The following CUX1 variants were observed in gnomAD, a reference collection of about 807,000 sequenced individuals.
CUX1 encodes the protein protein CASP.
Under a neutral mutation model 158.8 loss-of-function variants are expected in CUX1, and 31 were observed. That is an observed-to-expected ratio of 0.20 (90% confidence interval 0.15 to 0.26). CUX1 has a LOEUF of 0.26. Among genes scored for constraint, CUX1 ranks in the 10% least tolerant of loss-of-function variants. The probability of loss-of-function intolerance (pLI) is 1.00; values close to 1 mark genes in which losing one functional copy is unlikely to be tolerated. For missense variants in CUX1, 1,589 were observed against 2,014.6 expected (o/e 0.79, Z 4.04); for synonymous variants, 879 against 862.1 (o/e 1.02, Z -0.34).
chr7:102,099,284 G>C (rs1585665145), intron 5 of CUX1, among the ~76,000 whole-genome samples: 1 of 152,120 alleles, frequency 6.6e-6, no homozygotes, highest in South Asian at 2.1e-4. Flanking sequence ...AGGACTAGAA[G>C]GGACAACTCT....
intron 19 of CUX1, chr7:102,280,271 G>A: frequency 1.6e-6 from 1 of 608,098 alleles, no homozygotes; most frequent in Non-Finnish European, 2.9e-6. Flanking sequence ...GGCCAGCCTT[G>A]CCACGCCAGC....
In CUX1 at chr7:102,095,589, C is replaced by T. The variant is rs1554483815; in HGVS notation, c.269-1775C>T. Among the ~76,000 whole-genome samples the T allele has an allele frequency of 2.6e-5, 4 of 152,100 alleles. No homozygotes were observed. The South Asian group carries it at 6.2e-4, about 24-fold the overall frequency. ...AAGAGTCCCTGGCTCCTGCTGGATACGTTAACCGAGGCATGGTAGACCTGG... is the reference window on the plus strand; with the variant it reads ...AAGAGTCCCTGGCTCCTGCTGGATATGTTAACCGAGGCATGGTAGACCTGG... On this transcript the variant is annotated intron_variant, in intron 4 of 23. Transcript: ENST00000292535.
chr7:101,933,773 C>T (rs1484859309), intron 2 of CUX1, among the ~76,000 whole-genome samples: 1 of 152,100 alleles, frequency 6.6e-6, no homozygotes, highest in Non-Finnish European at 1.5e-5. Context: ...TTGGTTTGTT[C>T]GCATACTTGT....
intron 2 of CUX1, among the ~76,000 whole-genome samples, chr7:101,957,897 G>A (rs552375372): frequency 6.6e-6 from 1 of 152,164 alleles, no homozygotes; most frequent in South Asian, 2.1e-4. Flanking sequence ...TGAGAGTTTG[G>A]AAGTCCCACA....
At chr7:101,866,385 C>G (rs1221397559) in intron 1 of CUX1, among the ~76,000 whole-genome samples, 2 of 152,140 alleles carry the variant, frequency 1.3e-5, no homozygotes, top group Non-Finnish European at 2.9e-5. Context: ...GAACTAGAAT[C>G]TCGAACCTGG....
chr7:101,847,286 A>T (rs1377522799), intron 1 of CUX1, among the ~76,000 whole-genome samples: 2 of 152,188 alleles, frequency 1.3e-5, no homozygotes, highest in East Asian at 1.9e-4. Context: ...AGTGTGCTGG[A>T]TTCATGATAT....
chr7:101,878,244 C>T (rs1051196638), intron 1 of CUX1, among the ~76,000 whole-genome samples: 2 of 152,336 alleles, frequency 1.3e-5, no homozygotes, highest in South Asian at 4.1e-4. Flanking sequence ...GGACAGGACC[C>T]TCCCCTCCCC....
chr7:102,278,147 G>A lies in CUX1; in HGVS notation c.1680+82G>A, dbSNP rs562778935. ...TCAGGGCTCTGGAGATGGGAGGGTC[G>A]GGGACCAAGACCTGCTGGGCAGCAC... On this transcript the variant is annotated intron_variant, in intron 18 of 22. Transcript: ENST00000292538. 4.8e-5 allele frequency: 49 copies of A among 1,022,624 alleles called. No individual in the cohort carries two copies. In the African/African-American group the frequency reaches 6.3e-4, roughly 13 times the overall value. 63.3% of individuals were successfully genotyped at this position (1,022,624 alleles called of 1,614,324 possible).
intron 4 of CUX1, among the ~76,000 whole-genome samples, chr7:102,073,030 G>A (rs1289343168): frequency 6.6e-6 from 1 of 152,042 alleles, no homozygotes; most frequent in Non-Finnish European, 1.5e-5. Context: ...GATCCCAGAA[G>A]GGGAGTGTTT....
Position 101,817,960 on chromosome 7 carries a change from G to A in CUX1, c.30+291G>A, listed in dbSNP as rs1210104320. On this transcript the variant is annotated intron_variant, in intron 1 of 23. Transcript: ENST00000292535. This position sits in a 1 kb window ranked among gnomAD's most constrained non-coding sequence, Gnocchi z 4.1. Reference sequence around the variant, plus strand: ...GATGCAGGCTTGTATCAAACGAAGCGGGTTGGATTAAAACATATTTAAATG... The same window carrying A: ...GATGCAGGCTTGTATCAAACGAAGCAGGTTGGATTAAAACATATTTAAATG... Among the ~76,000 whole-genome samples, 3 of 152,174 alleles carry A rather than the reference G, an allele frequency of 2.0e-5. No individual in the cohort carries two copies. The highest frequency in any genetic ancestry group is 2.9e-5 in the Non-Finnish European group (2 of 68,034).
intron 8 of CUX1, among the ~76,000 whole-genome samples, chr7:102,140,641 C>A (rs1395873207): frequency 6.6e-6 from 1 of 151,222 alleles, no homozygotes; most frequent in African/African-American, 2.4e-5. Context: ...GGGAGAATCA[C>A]TTGAGGTCAG....
chr7:101,893,667 C>G (rs1801153137), intron 1 of CUX1, among the ~76,000 whole-genome samples: 1 of 152,212 alleles, frequency 6.6e-6, no homozygotes, highest in African/African-American at 2.4e-5. Flanking sequence ...AGATCCTTGC[C>G]TAGCTTAAGC....
At chr7:101,944,935 A>G (rs758979426) in intron 2 of CUX1, among the ~76,000 whole-genome samples, 1 of 152,148 alleles carries the variant, frequency 6.6e-6, no homozygotes, top group Non-Finnish European at 1.5e-5. Context: ...AGGTGTTGCA[A>G]TTTAGCCTGG....
At chr7:102,008,971 G>T (rs1277650849) in intron 2 of CUX1, among the ~76,000 whole-genome samples, 1 of 152,162 alleles carries the variant, frequency 6.6e-6, no homozygotes, top group African/African-American at 2.4e-5. Context: ...CCATACAGCA[G>T]GGGAGAGAAG....
At chr7:102,106,588 A>G (rs1307533898) in intron 6 of CUX1, among the ~76,000 whole-genome samples, 3 of 152,166 alleles carry the variant, frequency 2.0e-5, no homozygotes, top group Admixed American at 6.5e-5. Flanking sequence ...TTCCACAGCA[A>G]TGATCTCACA....
intron 11 of CUX1, among the ~76,000 whole-genome samples, chr7:102,187,312 T>C (rs1202869223): frequency 1.3e-5 from 2 of 151,892 alleles, no homozygotes; most frequent in Non-Finnish European, 2.9e-5. Context: ...CTGGGCAACA[T>C]AGTGTGACCT....
intron 8 of CUX1, among the ~76,000 whole-genome samples, chr7:102,139,698 C>CTA (rs1183549661): frequency 5.3e-5 from 8 of 152,156 alleles, no homozygotes; most frequent in African/African-American, 1.9e-4. Context: ...GTCACCCAGG[C>CTA]TATAGTGCAA....
chr7:102,137,266 G>A (rs1260167130), intron 8 of CUX1, among the ~76,000 whole-genome samples: 1 of 152,174 alleles, frequency 6.6e-6, no homozygotes, highest in South Asian at 2.1e-4. Flanking sequence ...TCAAAGCCCC[G>A]CAACTGTGTT....
intron 1 of CUX1, among the ~76,000 whole-genome samples, chr7:101,879,946 G>A (rs1279931391): frequency 3.3e-5 from 5 of 152,224 alleles, no homozygotes; most frequent in Non-Finnish European, 5.9e-5. Context: ...GGTGGGTGGC[G>A]ACAAACTGGA....
Sources: allele counts gnomAD v4.1 joint callset (sites outside exome capture counted in the v4.1 genomes callset), GRCh38; gene constraint gnomAD v4.1.1; non-coding constraint Gnocchi (gnomAD v3.1); transcripts MANE v1.5; gene names NCBI Gene and HGNC (gene_info 2026-07-23, HGNC 2026-07-21).